The following TACR3 variants were observed in gnomAD, a reference collection of about 807,000 sequenced individuals.
The protein encoded by TACR3 is tachykinin receptor 3, also known as neuromedin-K receptor.
TACR3 carries 34 observed loss-of-function variants against 35.0 expected under a neutral mutation model. The ratio of observed to expected loss-of-function variants is 0.97; its 90% CI spans 0.74 to 1.30. TACR3 has a LOEUF of 1.30. Ranked by LOEUF, TACR3 falls within the 50% of genes most tolerant of loss-of-function variation. The pLI, the probability that TACR3 is intolerant of heterozygous loss-of-function variation, is 0.00. For missense variants in TACR3, 558 were observed against 591.7 expected (o/e 0.94, Z 0.59); for synonymous variants, 233 against 221.1 (o/e 1.05, Z -0.48).
intron 1 of TACR3, among the ~76,000 whole-genome samples, chr4:103,666,184 C>T (rs966231962): frequency 1.3e-5 from 2 of 152,124 alleles, no homozygotes; most frequent in Non-Finnish European, 2.9e-5. Flanking sequence ...AATTATGAAG[C>T]ATAAAATAGG....
At chr4:103,637,970 C>T (rs934778376) in intron 3 of TACR3, among the ~76,000 whole-genome samples, 24 of 152,148 alleles carry the variant, frequency 1.6e-4, no homozygotes, top group African/African-American at 5.8e-4. Context: ...ATATTCCATG[C>T]TCATGGGTAG....
At chr4:103,700,401 G>A (rs943875955) in intron 1 of TACR3, among the ~76,000 whole-genome samples, 3 of 152,066 alleles carry the variant, frequency 2.0e-5, no homozygotes, top group African/African-American at 7.2e-5. Flanking sequence ...TTGATACTTG[G>A]GCAGGTGTGA....
chr4:103,622,771 A>G (rs936717651), intron 3 of TACR3, among the ~76,000 whole-genome samples: 3 of 152,180 alleles, frequency 2.0e-5, no homozygotes, highest in African/African-American at 7.2e-5. Context: ...CCAAAATTCA[A>G]TACTAGGAAT....
intron 3 of TACR3, among the ~76,000 whole-genome samples, chr4:103,592,996 C>T (rs1032565724): frequency 6.6e-6 from 1 of 152,154 alleles, no homozygotes; most frequent in African/African-American, 2.4e-5. Flanking sequence ...TCATCACTGG[C>T]CACATCACAT....
chr4:103,709,561 T>A (rs551591279), intron 1 of TACR3, among the ~76,000 whole-genome samples: 1 of 152,074 alleles, frequency 6.6e-6, no homozygotes, highest in South Asian at 2.1e-4. Flanking sequence ...CATGCCAAAT[T>A]GTAAAGACCA....
intron 1 of TACR3, among the ~76,000 whole-genome samples, chr4:103,668,141 A>G (rs1489872813): frequency 6.6e-6 from 1 of 152,126 alleles, no homozygotes; most frequent in Admixed American, 6.6e-5. Context: ...TTTGAAAACA[A>G]TTCCTTTACT....
chr4:103,712,199 G>A (rs550202631), intron 1 of TACR3, among the ~76,000 whole-genome samples: 3 of 152,270 alleles, frequency 2.0e-5, no homozygotes, highest in East Asian at 3.9e-4. Flanking sequence ...TCAATCCTTA[G>A]CCAAAAGAAC....
intron 3 of TACR3, among the ~76,000 whole-genome samples, chr4:103,593,714 C>A (rs1471113530): frequency 6.6e-6 from 1 of 152,124 alleles, no homozygotes; most frequent in African/African-American, 2.4e-5. Context: ...AGTACCTCAC[C>A]TCCTTCAAGC....
intron 1 of TACR3, among the ~76,000 whole-genome samples, chr4:103,695,379 CCTT>C (rs1344249600): frequency 1.3e-5 from 2 of 152,154 alleles, no homozygotes; most frequent in Admixed American, 1.3e-4. Flanking sequence ...TCTTCCTCCT[CCTT>C]CTCAGCCTAC....
rs1408289675 is a variant in TACR3, at chr4:103,694,100, C to T, written c.548+25028G>A. The stretch of plus-strand genomic sequence containing the variant: ...CTTTTTTCTCCTTTCCTCCTAGTCT[C>T]AAGACTTGAAGCAAATTTCAGAAGC... On this transcript the variant is annotated intron_variant, in intron 1 of 4. Transcript: ENST00000304883. Among the ~76,000 whole-genome samples, 4 of 152,122 alleles carry T rather than the reference C, an allele frequency of 2.6e-5. No homozygotes were observed. In the South Asian group the frequency reaches 8.3e-4, roughly 32 times the overall value.
intron 3 of TACR3, among the ~76,000 whole-genome samples, chr4:103,652,601 C>T (rs1248322269): frequency 6.6e-6 from 1 of 151,820 alleles, no homozygotes; most frequent in Non-Finnish European, 1.5e-5. Flanking sequence ...ATAGATGTTA[C>T]ATTGGTGTCC....
At chr4:103,629,882 A>AT (rs1725019004) in intron 3 of TACR3, among the ~76,000 whole-genome samples, 1 of 119,892 alleles carries the variant, frequency 8.3e-6, no homozygotes, top group African/African-American at 3.5e-5. Flanking sequence ...CAAAAAAAAC[A>AT]ACAACAACAA....
At chr4:103,687,386 G>A (rs1722274687) in intron 1 of TACR3, among the ~76,000 whole-genome samples, 1 of 152,122 alleles carries the variant, frequency 6.6e-6, no homozygotes, top group Non-Finnish European at 1.5e-5. Flanking sequence ...AGTGTTGGAA[G>A]TTCTGGCCAG....
intron 4 of TACR3, among the ~76,000 whole-genome samples, chr4:103,590,414 AC>A (rs201756907): frequency 2.2e-3 from 329 of 152,332 alleles, no homozygotes; most frequent in African/African-American, 7.3e-3. Flanking sequence ...AGAAATGATT[AC>A]ACATTTATAA....
chr4:103,687,395 A>G (rs1722274893), intron 1 of TACR3, among the ~76,000 whole-genome samples: 1 of 152,140 alleles, frequency 6.6e-6, no homozygotes, highest in East Asian at 1.9e-4. Flanking sequence ...AGTTCTGGCC[A>G]GGGCAATTAG....
chr4:103,642,611 G>A (rs917879544), intron 3 of TACR3, among the ~76,000 whole-genome samples: 2 of 151,714 alleles, frequency 1.3e-5, no homozygotes, highest in African/African-American at 4.8e-5. Flanking sequence ...TATGAAAATT[G>A]ATCTCACGGA....
chr4:103,621,022 T>C (rs370124361), intron 3 of TACR3, among the ~76,000 whole-genome samples: 2 of 152,356 alleles, frequency 1.3e-5, no homozygotes, highest in East Asian at 3.9e-4. Flanking sequence ...CTCTTCAGTT[T>C]GGTAAAATTT....
chr4:103,594,124 T>G (rs1485908407), intron 3 of TACR3, among the ~76,000 whole-genome samples: 1 of 152,156 alleles, frequency 6.6e-6, no homozygotes, highest in Admixed American at 6.6e-5. Flanking sequence ...TGGAATTTAC[T>G]GCTATTTCTG....
chr4:103,604,986 C>A (rs547424071), intron 3 of TACR3, among the ~76,000 whole-genome samples: 7 of 129,194 alleles, frequency 5.4e-5, no homozygotes, highest in South Asian at 3.0e-4. Flanking sequence ...CCCCCTCCCC[C>A]CACCCCACAA....
Sources: allele counts gnomAD v4.1 joint callset (sites outside exome capture counted in the v4.1 genomes callset), GRCh38; gene constraint gnomAD v4.1.1; transcripts MANE v1.5; gene names NCBI Gene and HGNC (gene_info 2026-07-23, HGNC 2026-07-21).